Variants in AIRIM observed in about 807,000 individuals in gnomAD.
AIRIM encodes AFG2-interacting ribosome maturation factor.
chr1:37,686,898 A>G, the AIRIM span, among the ~76,000 whole-genome samples: 1 of 151,988 alleles, frequency 6.6e-6, no homozygotes, highest in Non-Finnish European at 1.5e-5. Context: ...CCCCGTCTCT[A>G]CTAAATATAC....
At chr1:37,683,653 T>A in the AIRIM span, 1 of 483,690 alleles carries the variant, frequency 2.1e-6, no homozygotes, top group Non-Finnish European at 3.6e-6. Context: ...AAACCATCCC[T>A]GAAATCTGGG....
the AIRIM span, among the ~76,000 whole-genome samples, chr1:37,690,896 A>G: frequency 8.5e-5 from 13 of 152,214 alleles, no homozygotes; most frequent in Admixed American, 2.0e-4. Flanking sequence ...GCTAAAATGC[A>G]GGTGGACGTC....
chr1:37,690,011 C>T, the AIRIM span: 2 of 1,424,696 alleles, frequency 1.4e-6, no homozygotes, highest in Admixed American at 5.9e-5. Flanking sequence ...CCTCCAGAAG[C>T]AGGGTTTTTT....
chr1:37,689,154 T>C, the AIRIM span, among the ~76,000 whole-genome samples: 1 of 152,170 alleles, frequency 6.6e-6, no homozygotes, highest in Non-Finnish European at 1.5e-5. Flanking sequence ...CTTTTCTAGC[T>C]GCGTCACCAT....
At chr1:37,683,829 T>C in the AIRIM span, 924 of 166,286 alleles carry the variant, frequency 5.6e-3, 7 homozygotes, top group South Asian at 0.018. Context: ...TGGAGATGCA[T>C]AGAATGAATT....
the AIRIM span, chr1:37,683,079 T>C: frequency 4.4e-6 from 7 of 1,586,542 alleles, no homozygotes; most frequent in African/African-American, 8.1e-5. Context: ...AGAATGTCAG[T>C]CTTCAACTGT....
At chr1:37,686,269 A>ATACGACTT in the AIRIM span, 1 of 1,611,330 alleles carries the variant, frequency 6.2e-7, no homozygotes, top group Non-Finnish European at 8.5e-7. Context: ...TGTGCAAAGG[A>ATACGACTT]TACGACTTTC....
chr1:37,682,821 G>A, the AIRIM span: 1 of 307,192 alleles, frequency 3.3e-6, no homozygotes, highest in East Asian at 7.0e-5. Context: ...GTCCACAATA[G>A]AGGAAAGACA....
At chr1:37,685,975 C>T in the AIRIM span, among the ~76,000 whole-genome samples, 5 of 152,220 alleles carry the variant, frequency 3.3e-5, no homozygotes, top group African/African-American at 1.2e-4. Flanking sequence ...TAAATCACAA[C>T]TCCACCCTCA....
At chr1:37,682,307 G>A in the AIRIM span, 5 of 152,114 alleles carry the variant, frequency 3.3e-5, no homozygotes, top group East Asian at 1.9e-4. Context: ...AAAGTAACAC[G>A]GCCATTACAT....
At chr1:37,687,110 G>GTGTA in the AIRIM span, among the ~76,000 whole-genome samples, 19 of 139,724 alleles carry the variant, frequency 1.4e-4, no homozygotes, top group East Asian at 4.2e-4. Context: ...GTGTGTGTGT[G>GTGTA]TATAGTTTTT....
chr1:37,687,110 G>GTATATATA, the AIRIM span, among the ~76,000 whole-genome samples: 38 of 139,728 alleles, frequency 2.7e-4, no homozygotes, highest in South Asian at 6.8e-3. Context: ...GTGTGTGTGT[G>GTATATATA]TATAGTTTTT....
At chr1:37,689,481 G>A in the AIRIM span, 1 of 1,181,456 alleles carries the variant, frequency 8.5e-7, no homozygotes, top group Non-Finnish European at 1.2e-6. Context: ...AGTAAGGAAG[G>A]TTGAGATACC....
the AIRIM span, among the ~76,000 whole-genome samples, chr1:37,689,264 C>T: frequency 6.6e-6 from 1 of 152,136 alleles, no homozygotes; most frequent in Non-Finnish European, 1.5e-5. Context: ...ATACATAAAC[C>T]CCTTAGCTCT....
chr1:37,686,140 A>G, the AIRIM span: 33 of 794,828 alleles, frequency 4.2e-5, 2 homozygotes, highest in East Asian at 8.8e-4. Flanking sequence ...ATACAAAGGA[A>G]TGCAGGAAGA....
At chr1:37,691,348 T>C in the AIRIM span, 2 of 152,274 alleles carry the variant, frequency 1.3e-5, no homozygotes, top group East Asian at 1.9e-4. Context: ...AGAGGCAAGA[T>C]TATCACTCCC....
chr1:37,681,876 T>A, the AIRIM span: 2 of 152,296 alleles, frequency 1.3e-5, no homozygotes, highest in Non-Finnish European at 2.9e-5. Context: ...TTAGGTTTTT[T>A]AAAAAAAGAC....
the AIRIM span, chr1:37,683,160 T>C: frequency 3.1e-6 from 5 of 1,612,092 alleles, no homozygotes; most frequent in Non-Finnish European, 4.2e-6. Flanking sequence ...CAATAGGATA[T>C]CTGAAATAGG....
At chr1:37,690,322 G>A in the AIRIM span, 4 of 1,290,550 alleles carry the variant, frequency 3.1e-6, no homozygotes, top group Non-Finnish European at 4.0e-6. Flanking sequence ...GTTTCCCCTC[G>A]GGAAGGGTAA....
Sources: allele counts gnomAD v4.1 joint callset (sites outside exome capture counted in the v4.1 genomes callset), GRCh38; gene constraint gnomAD v4.1.1; transcripts MANE v1.5; gene names NCBI Gene and HGNC (gene_info 2026-07-23, HGNC 2026-07-21).